Variants in MROH9 observed in about 807,000 individuals in gnomAD.
MROH9 encodes the protein maestro heat-like repeat-containing protein family member 9.
A neutral mutation model predicts 98.2 loss-of-function variants in MROH9; 92 were observed. The ratio of observed to expected loss-of-function variants is 0.94; its 90% CI spans 0.79 to 1.11. MROH9 has a LOEUF of 1.11. Among genes scored for constraint, MROH9 ranks in the 50% most tolerant of loss-of-function variants. The probability of loss-of-function intolerance (pLI) is 0.00; values close to 1 mark genes in which losing one functional copy is unlikely to be tolerated. For synonymous variants in MROH9, 397 were observed against 368.9 expected (o/e 1.08, Z -0.87); for missense variants, 1,057 against 1,014.8 (o/e 1.04, Z -0.57).
chr1:171,016,075 G>A (rs1652317001), intron 16 of MROH9, 88 bp from the exon 17 acceptor site: 2 of 907,402 alleles, frequency 2.2e-6, no homozygotes, highest in African/African-American at 1.7e-5. Flanking sequence ...ACCATGATGT[G>A]CCGCCCAGAC....
intron 1 of MROH9, among the ~76,000 whole-genome samples, chr1:170,941,771 A>G (rs994206972): frequency 1.3e-5 from 2 of 152,156 alleles, no homozygotes; most frequent in African/African-American, 4.8e-5. Flanking sequence ...GACTTCCCTC[A>G]CAAATTGCTT....
intron 3 of MROH9, among the ~76,000 whole-genome samples, chr1:170,957,795 G>GTTT (rs71573033): frequency 8.0e-6 from 1 of 124,646 alleles, no homozygotes; most frequent in Non-Finnish European, 1.9e-5. Flanking sequence ...GCATTTTTTT[G>GTTT]TTTTTTTTTT....
At chr1:170,939,815 A>G (rs910507994) in intron 1 of MROH9, among the ~76,000 whole-genome samples, 1 of 152,168 alleles carries the variant, frequency 6.6e-6, no homozygotes, top group African/African-American at 2.4e-5. Context: ...TAGCATGTCA[A>G]GGGCTGTTTC....
chr1:170,973,032 C>T (rs1650527599), intron 8 of MROH9, among the ~76,000 whole-genome samples: 1 of 151,560 alleles, frequency 6.6e-6, no homozygotes. Context: ...GTTAAAAAGA[C>T]AGAAATGGGA....
chr1:170,987,585 C>T (rs1161446591), intron 10 of MROH9, among the ~76,000 whole-genome samples: 1 of 152,176 alleles, frequency 6.6e-6, no homozygotes, highest in Non-Finnish European at 1.5e-5. Flanking sequence ...GTCGTGAGCA[C>T]AAATTTTACT....
At chr1:170,940,019 A>T (rs1649063325) in intron 1 of MROH9, among the ~76,000 whole-genome samples, 2 of 152,280 alleles carry the variant, frequency 1.3e-5, no homozygotes, top group East Asian at 1.9e-4. Context: ...GACCTGTTTC[A>T]GTCTTCTTCT....
At chr1:171,012,214 G>T (rs1484170756) in intron 15 of MROH9, among the ~76,000 whole-genome samples, 1 of 151,770 alleles carries the variant, frequency 6.6e-6, no homozygotes, top group Non-Finnish European at 1.5e-5. Flanking sequence ...AGACTTTCTT[G>T]TTTTTTTATT....
chr1:170,948,827 C>T (rs1026638886), intron 3 of MROH9, among the ~76,000 whole-genome samples: 5 of 151,904 alleles, frequency 3.3e-5, no homozygotes, highest in African/African-American at 4.8e-5. Context: ...GAAGTACATT[C>T]CAAGAAGAGG....
chr1:170,981,613 G>A (rs113249684), intron 8 of MROH9, among the ~76,000 whole-genome samples: 6 of 151,922 alleles, frequency 3.9e-5, no homozygotes, highest in African/African-American at 1.5e-4. Context: ...TGTTGGAGGT[G>A]GGGGGTGCGG....
intron 7 of MROH9, among the ~76,000 whole-genome samples, chr1:170,968,528 T>C (rs1650319557): frequency 6.6e-6 from 1 of 152,066 alleles, no homozygotes; most frequent in South Asian, 2.1e-4. Context: ...TTGTGAAATT[T>C]GGGGAAACTC....
At chr1:170,956,926 G>A (rs1649785138) in intron 3 of MROH9, among the ~76,000 whole-genome samples, 1 of 151,362 alleles carries the variant, frequency 6.6e-6, no homozygotes. Flanking sequence ...TCCTTGTCTT[G>A]TTCCAGTTCT....
chr1:170,941,762 A>G (rs1474011676), intron 1 of MROH9, among the ~76,000 whole-genome samples: 8 of 152,184 alleles, frequency 5.3e-5, no homozygotes. Context: ...GGATGGTGGG[A>G]CTTCCCTCAC....
At chr1:170,949,494 C>T (rs17562882) in intron 3 of MROH9, among the ~76,000 whole-genome samples, 12,390 of 151,976 alleles carry the variant, frequency 0.082, 632 homozygotes, top group Non-Finnish European at 0.11. Context: ...AGTGGTGTTG[C>T]TCCAACAAAA....
intron 3 of MROH9, 56 bp downstream of exon 3, chr1:170,947,629 C>G: frequency 7.1e-7 from 1 of 1,415,762 alleles, no homozygotes; most frequent in South Asian, 1.2e-5. Context: ...GAAAAAATAA[C>G]TTTTTACTGT....
chr1:171,005,301 G>A (rs1651919689), intron 15 of MROH9, among the ~76,000 whole-genome samples: 2 of 152,088 alleles, frequency 1.3e-5, no homozygotes, highest in Admixed American at 6.5e-5. Flanking sequence ...AAACTCCTGA[G>A]CTCAAGTGAT....
At chr1:170,942,349 C>T (rs1341589537) in intron 1 of MROH9, among the ~76,000 whole-genome samples, 1 of 147,682 alleles carries the variant, frequency 6.8e-6, no homozygotes, top group Non-Finnish European at 1.5e-5. Flanking sequence ...ATTACAGTTT[C>T]CTCCGGCAAT....
intron 21 of MROH9, among the ~76,000 whole-genome samples, chr1:171,063,233 G>T (rs1654064385): frequency 6.7e-6 from 1 of 148,372 alleles, no homozygotes; most frequent in Admixed American, 6.8e-5. Flanking sequence ...TTAACATTTT[G>T]GTATATGTAT....
At chr1:170,989,776 T>C in intron 10 of MROH9, 79 bp from the exon 11 acceptor site, 1 of 1,334,182 alleles carries the variant, frequency 7.5e-7, no homozygotes, top group South Asian at 1.5e-5. Flanking sequence ...AAGTGAATTC[T>C]TATGTCCAAG....
intron 20 of MROH9, among the ~76,000 whole-genome samples, chr1:171,034,730 T>C (rs886738793): frequency 2.0e-5 from 3 of 152,100 alleles, no homozygotes; most frequent in Non-Finnish European, 4.4e-5. Context: ...GTTTGTGGAA[T>C]AGCAAAAGGC....
Sources: gnomAD v4.1 joint callset for allele counts (sites outside exome capture counted in the v4.1 genomes callset) on GRCh38, gnomAD v4.1.1 for gene constraint, MANE v1.5 for transcripts, NCBI Gene and HGNC (gene_info 2026-07-23, HGNC 2026-07-21) for gene names.